The following TPR variants were observed in gnomAD, a reference collection of about 807,000 sequenced individuals.
TPR encodes the protein nucleoprotein TPR.
In TPR, 51 loss-of-function variants were observed where a neutral mutation model predicts 316.1. That is an observed-to-expected ratio of 0.16 (90% confidence interval 0.13 to 0.20). The LOEUF is 0.20. TPR is among the 10% of genes least tolerant of loss of function. The pLI, the probability that TPR is intolerant of heterozygous loss-of-function variation, is 1.00. For missense variants in TPR, 2,272 were observed against 2,754.8 expected, an observed-to-expected ratio of 0.82 and a Z score of 3.92; for synonymous variants, 981 against 914.7, an observed-to-expected ratio of 1.07 and a Z score of -1.31.
intron 33 of TPR, 30 bp downstream of exon 33, chr1:186,336,466 A>G (rs1418295832): frequency 5.6e-6 from 9 of 1,608,954 alleles, no homozygotes; most frequent in Non-Finnish European, 7.6e-6. Flanking sequence ...AACTTTCACT[A>G]CCAAGTTCAA....
rs563602442 is a variant in TPR, at chr1:186,374,863, G to A, written c.151+15C>T. On this transcript the variant is annotated intron_variant, in intron 1 of 50. Coordinates refer to ENST00000367478, the MANE Select transcript of TPR (RefSeq NM_003292.3). ...TCGAGCCCAAAACCAAGGACGGAAA[G>A]AGCATCTCACTTACCGCTCTCCACC... The A allele has an allele frequency of 1.3e-6, 2 of 1,584,956 alleles. No individual in the cohort carries two copies. The highest frequency in any genetic ancestry group is 1.7e-5 in the Admixed American group (1 of 58,802).
Position 186,370,873 on chromosome 1 carries a change from C to T in TPR, c.330+97G>A, listed in dbSNP as rs1659503193. 4 of 1,017,392 alleles carry T rather than the reference C, an allele frequency of 3.9e-6. No individual in the cohort carries two copies. In the South Asian group the frequency reaches 4.4e-5, roughly 11 times the overall value. 63.0% of individuals were successfully genotyped at this position (1,017,392 alleles called of 1,614,324 possible). A position where few individuals can be genotyped will look rare whatever the true frequency, so the allele number is the denominator to read the frequency against. ...GCTTCCCCTAATAGGACATCAGTTA[C>T]ATCTTCCCATTGACTAATAACTGAT... On this transcript the variant is annotated intron_variant, in intron 3 of 50. Transcript: ENST00000367478.
At chr1:186,332,793 T>C (rs1219278650) in intron 37 of TPR, among the ~76,000 whole-genome samples, 1 of 152,126 alleles carries the variant, frequency 6.6e-6, no homozygotes, top group Non-Finnish European at 1.5e-5. Flanking sequence ...TTATATACAA[T>C]GTTTTGCATT....
At chr1:186,339,815 G>C in intron 29 of TPR, 43 bp from the exon 30 acceptor site, 1 of 1,509,218 alleles carries the variant, frequency 6.6e-7, no homozygotes, top group Non-Finnish European at 8.9e-7. Context: ...TAGGTTTTAT[G>C]AAACAAATGT....
At chr1:186,346,569 A>G (rs903230857) in intron 22 of TPR, among the ~76,000 whole-genome samples, 1 of 152,208 alleles carries the variant, frequency 6.6e-6, no homozygotes, top group Non-Finnish European at 1.5e-5. Flanking sequence ...CCACTTGCCA[A>G]ATCCATCTAT....
In TPR at chr1:186,362,280, AT is replaced by A. The variant is rs1659218572; in HGVS notation, c.789+7del. 1.6e-5 allele frequency: 26 copies of A among 1,603,564 alleles called. No individual in the cohort carries two copies. Among genetic ancestry groups the A allele is most frequent in the Non-Finnish European group, 2.1e-5 (25 of 1,172,588 alleles). On this transcript the variant is annotated splice_region_variant and intron_variant, in intron 7 of 50. Transcript: ENST00000367478. Reference sequence around the variant, plus strand: ...TTGTAAAAAAGACATTTTAATGGTCATATATACCTCTTTTAATTTGGTCAAC... The same window carrying A: ...TTGTAAAAAAGACATTTTAATGGTCAATATACCTCTTTTAATTTGGTCAAC...
In TPR at chr1:186,327,244, AT is replaced by A. The variant is rs1156332227; in HGVS notation, c.5889+215del. ...AAATATATAATATATATTTATATATATAATATATATAAATATATAATATATA... is the reference window on the plus strand; with the variant it reads ...AAATATATAATATATATTTATATATAAATATATATAAATATATAATATATA... On this transcript the variant is annotated intron_variant, in intron 40 of 50. Transcript: ENST00000367478. 8.3e-3 allele frequency among the ~76,000 whole-genome samples: 84 copies of A among 10,176 alleles called. 29 individuals carry two copies. Among genetic ancestry groups the A allele is most frequent in the East Asian group, 0.044 (9 of 204 alleles). 6.7% of individuals were successfully genotyped at this position (10,176 alleles called of 152,430 possible).
At chr1:186,363,193 C>A in intron 5 of TPR, 149 bp downstream of exon 5, 1 of 943,864 alleles carries the variant, frequency 1.1e-6, no homozygotes, top group Non-Finnish European at 1.6e-6. Context: ...AACAGATGAA[C>A]TAGAATTGTC....
intron 24 of TPR, among the ~76,000 whole-genome samples, chr1:186,345,290 G>A (rs1227565511): frequency 6.6e-6 from 1 of 152,138 alleles, no homozygotes; most frequent in African/African-American, 2.4e-5. Flanking sequence ...CAGATCTAGT[G>A]AAGGACAATA....
At chr1:186,328,406 C>T (rs1353401065) in intron 39 of TPR, among the ~76,000 whole-genome samples, 1 of 151,820 alleles carries the variant, frequency 6.6e-6, no homozygotes, top group African/African-American at 2.4e-5. Context: ...AATTATTAAC[C>T]AGATATTTCA....
chr1:186,321,585 G>A (rs1408072243), intron 45 of TPR, among the ~76,000 whole-genome samples: 1 of 152,138 alleles, frequency 6.6e-6, no homozygotes, highest in Non-Finnish European at 1.5e-5. Context: ...TAAGTTATGA[G>A]GTTAAATAAA....
chr1:186,347,023 A>G (rs10911849), intron 22 of TPR, among the ~76,000 whole-genome samples: 43,910 of 152,068 alleles, frequency 0.29, 6,912 homozygotes, highest in Admixed American at 0.38. Flanking sequence ...GAAGGCATGC[A>G]TACCCAGTAG....
At chr1:186,332,417 G>A in intron 37 of TPR, 74 bp from the exon 38 acceptor site, 2 of 1,499,488 alleles carry the variant, frequency 1.3e-6, no homozygotes, top group Non-Finnish European at 1.8e-6. Flanking sequence ...TACCCAATAT[G>A]GTCACTTAAC....
intron 4 of TPR, among the ~76,000 whole-genome samples, chr1:186,365,375 C>T (rs1221477470): frequency 6.6e-6 from 1 of 150,874 alleles, no homozygotes; most frequent in African/African-American, 2.4e-5. Flanking sequence ...GGATTATAGG[C>T]ATGAGCCACC....
chr1:186,373,489 A>G (rs547607108), intron 1 of TPR, 26 bp from the exon 2 acceptor site: 142 of 1,388,584 alleles, frequency 1.0e-4, no homozygotes, highest in Admixed American at 4.2e-4. Flanking sequence ...AAAAAACAAA[A>G]AACAAAATCA....
rs370200622 is a variant in TPR, at chr1:186,337,196, A to G, written c.4363-40T>C. ...AGTAATAATACACTCACATATTTAT[A>G]TTCAGTAATTCCATTTCTGCAAGTT... On this transcript the variant is annotated intron_variant, in intron 31 of 50. Coordinates refer to ENST00000367478, the MANE Select transcript of TPR (RefSeq NM_003292.3). The G allele has an allele frequency of 2.6e-6, 4 of 1,552,042 alleles. No homozygotes were observed. In the African/African-American group the frequency reaches 5.5e-5, roughly 21 times the overall value.
intron 13 of TPR, among the ~76,000 whole-genome samples, chr1:186,357,961 A>G (rs1366554483): frequency 6.6e-6 from 1 of 152,232 alleles, no homozygotes; most frequent in Non-Finnish European, 1.5e-5. Flanking sequence ...ATGATAGGGC[A>G]GAGCATGAAA....
chr1:186,320,573 A>C (rs1481122842), intron 45 of TPR, among the ~76,000 whole-genome samples, 155 bp from the exon 46 acceptor site: 3 of 152,234 alleles, frequency 2.0e-5, no homozygotes, highest in Non-Finnish European at 4.4e-5. Context: ...AGGGTTTCTT[A>C]CTTATAAAAA....
At chr1:186,332,898 GAAATA>G (rs1658212546) in intron 37 of TPR, among the ~76,000 whole-genome samples, 1 of 152,072 alleles carries the variant, frequency 6.6e-6, no homozygotes. Flanking sequence ...TAGTAAACAT[GAAATA>G]AAATGTTAGT....
Sources: allele counts gnomAD v4.1 joint callset (sites outside exome capture counted in the v4.1 genomes callset), GRCh38; gene constraint gnomAD v4.1.1; transcripts MANE v1.5; gene names NCBI Gene and HGNC (gene_info 2026-07-23, HGNC 2026-07-21).